Variants in UCHL3 observed in about 807,000 individuals in gnomAD.
UCHL3 encodes the protein ubiquitin C-terminal hydrolase L3.
Under a neutral mutation model 35.8 loss-of-function variants are expected in UCHL3, and 22 were observed. The observed-to-expected ratio is 0.61, with a 90% CI of 0.44 to 0.88. UCHL3 has a LOEUF of 0.88. Among genes scored for constraint, UCHL3 ranks in the 40% least tolerant of loss-of-function variants. The probability of loss-of-function intolerance (pLI) is 0.00; values close to 1 mark genes in which losing one functional copy is unlikely to be tolerated. For missense variants in UCHL3, 229 were observed against 276.9 expected, an observed-to-expected ratio of 0.83 and a Z score of 1.23; for synonymous variants, 90 against 92.8, an observed-to-expected ratio of 0.97 and a Z score of 0.17.
Position 75,549,856 on chromosome 13 carries a change from T to A in UCHL3, c.36T>A (p.Asn12Lys). The change falls in exon 1 of 9, where the codon AAT becomes AAA. Residue 12 changes from asparagine to lysine, a missense_variant. By Grantham distance (94) the Asn-to-Lys change is moderately conservative. Coordinates refer to ENST00000377595, the MANE Select transcript of UCHL3 (RefSeq NM_006002.5). ...EGQRWLPLEA[N>K]PEVTNQFLKQ... ...AACGCTGGCTGCCGCTGGAGGCCAA[T>A]CCCGAGGTGGGCGCGCTTCGGGGCA... The A allele has an allele frequency of 6.2e-7, 1 of 1,608,152 alleles. No homozygotes were observed. Among genetic ancestry groups the A allele is most frequent in the Non-Finnish European group, 8.5e-7 (1 of 1,177,110 alleles).
chr13:75,602,267 C>T (rs2032799558), intron 7 of UCHL3, among the ~76,000 whole-genome samples: 2 of 152,166 alleles, frequency 1.3e-5, no homozygotes, highest in African/African-American at 4.8e-5. Context: ...AAAAGCATCT[C>T]GTGATGTTTG....
rs964966061 is a variant in UCHL3 at position 75,560,701 on chromosome 13, C to CT, written c.55-48dup. On this transcript the variant is annotated intron_variant, in intron 2 of 8. Coordinates refer to ENST00000377595, the MANE Select transcript of UCHL3 (RefSeq NM_006002.5). Reference sequence around the variant, plus strand: ...ACACTATGTATAGTATACTAGTTTTCTTTTACCAACTAATGTTCCATTGTT... The same window carrying CT: ...ACACTATGTATAGTATACTAGTTTTCTTTTTACCAACTAATGTTCCATTGTT... 5.7e-5 allele frequency: 87 copies of CT among 1,523,956 alleles called. No individual in the cohort carries two copies. In the African/African-American group the frequency reaches 1.1e-3, roughly 20 times the overall value. The allele number at this position is 1,523,956 out of a possible 1,614,324, so 94.4% of individuals were successfully genotyped here. A position where few individuals can be genotyped will look rare whatever the true frequency, so the allele number is the denominator to read the frequency against.
At chr13:75,588,420 A>G (rs1323651649) in intron 6 of UCHL3, among the ~76,000 whole-genome samples, 1 of 150,484 alleles carries the variant, frequency 6.6e-6, no homozygotes, top group African/African-American at 2.5e-5. Context: ...CTTTCCTGTT[A>G]TTTGAACATA....
At chr13:75,556,162 T>C (rs1399560107) in intron 2 of UCHL3, among the ~76,000 whole-genome samples, 1 of 152,216 alleles carries the variant, frequency 6.6e-6, no homozygotes, top group East Asian at 1.9e-4. Context: ...CAAACTAACA[T>C]TGTATCACCT....
intron 3 of UCHL3, among the ~76,000 whole-genome samples, chr13:75,565,508 C>T (rs550902464): frequency 1.6e-4 from 24 of 152,224 alleles, no homozygotes; most frequent in African/African-American, 4.1e-4. Context: ...CTATAGACAT[C>T]GTTTGTTTCT....
chr13:75,560,996 T>C, intron 3 of UCHL3, 115 bp downstream of exon 3: 1 of 991,042 alleles, frequency 1.0e-6, no homozygotes, highest in South Asian at 2.2e-5. Context: ...AGAGGTGTAA[T>C]CATGGCTTAC....
chr13:75,577,431 T>C (rs1168965507), intron 6 of UCHL3, among the ~76,000 whole-genome samples: 2 of 152,220 alleles, frequency 1.3e-5, no homozygotes, highest in Non-Finnish European at 2.9e-5. Flanking sequence ...AGGAGGTACA[T>C]AGGTTATATG....
chr13:75,584,480 A>G (rs1485001503), intron 6 of UCHL3, among the ~76,000 whole-genome samples: 1 of 152,180 alleles, frequency 6.6e-6, no homozygotes, highest in Admixed American at 6.5e-5. Context: ...ATAAAACCCA[A>G]ACAGTAAACT....
intron 6 of UCHL3, among the ~76,000 whole-genome samples, chr13:75,584,447 T>G (rs1308745956): frequency 6.6e-6 from 1 of 152,190 alleles, no homozygotes; most frequent in East Asian, 1.9e-4. Flanking sequence ...ACCAATGGTA[T>G]TCTCAAGGTA....
chr13:75,603,315 G>C (rs772296406), intron 7 of UCHL3, among the ~76,000 whole-genome samples: 3 of 152,066 alleles, frequency 2.0e-5, no homozygotes, highest in Non-Finnish European at 2.9e-5. Context: ...CACACACACA[G>C]AAATGATGGA....
chr13:75,562,388 A>C (rs184448872), intron 3 of UCHL3, among the ~76,000 whole-genome samples: 1 of 152,162 alleles, frequency 6.6e-6, no homozygotes. Flanking sequence ...TGGTAAGGTT[A>C]TGATTACTGA....
At chr13:75,581,694 A>ATT (rs35365245) in intron 6 of UCHL3, among the ~76,000 whole-genome samples, 3 of 139,208 alleles carry the variant, frequency 2.2e-5, no homozygotes, top group Non-Finnish European at 3.1e-5. Context: ...GCTTTGTTTG[A>ATT]TTTTTTTTTT....
At chr13:75,605,391 C>T (rs1000758946) in intron 8 of UCHL3, among the ~76,000 whole-genome samples, 1 of 151,928 alleles carries the variant, frequency 6.6e-6, no homozygotes, top group Non-Finnish European at 1.5e-5. Flanking sequence ...GACTGTAGTC[C>T]CAGCTACTAG....
chr13:75,583,491 G>T (rs2138537893), intron 6 of UCHL3, among the ~76,000 whole-genome samples: 1 of 152,234 alleles, frequency 6.6e-6, no homozygotes, highest in East Asian at 1.9e-4. Context: ...ATTATAATAT[G>T]TACCTTATAG....
intron 2 of UCHL3, among the ~76,000 whole-genome samples, chr13:75,550,357 C>T (rs1359716316): frequency 6.6e-6 from 1 of 152,142 alleles, no homozygotes; most frequent in East Asian, 1.9e-4. Flanking sequence ...ACTAATTTGC[C>T]CACACTTCCT....
At chr13:75,550,288 C>A (rs1000841894) in intron 2 of UCHL3, among the ~76,000 whole-genome samples, 2 of 152,144 alleles carry the variant, frequency 1.3e-5, no homozygotes, top group African/African-American at 4.8e-5. Context: ...CTTCCTTCTT[C>A]GTTTTGCCTC....
intron 7 of UCHL3, chr13:75,604,435 AT>A (rs1040450388): frequency 5.2e-6 from 1 of 192,374 alleles, no homozygotes; most frequent in Non-Finnish European, 1.1e-5. Flanking sequence ...GAAAAAAGAA[AT>A]TTTTTTAATT....
chr13:75,551,215 C>T (rs573095176), intron 2 of UCHL3, among the ~76,000 whole-genome samples: 1 of 152,222 alleles, frequency 6.6e-6, no homozygotes, highest in African/African-American at 2.4e-5. Context: ...GTGGGCGGAT[C>T]ACCTGAGGTC....
chr13:75,583,075 CTA>C (rs953607652), intron 6 of UCHL3, among the ~76,000 whole-genome samples: 35 of 152,072 alleles, frequency 2.3e-4, no homozygotes, highest in African/African-American at 8.5e-4. Flanking sequence ...ATAAGTCTGA[CTA>C]GAGTAAAAAT....
Sources: allele counts gnomAD v4.1 joint callset (sites outside exome capture counted in the v4.1 genomes callset), GRCh38; gene constraint gnomAD v4.1.1; transcripts MANE v1.5; gene names NCBI Gene and HGNC (gene_info 2026-07-23, HGNC 2026-07-21).